The following PTPRD variants were observed in gnomAD, a reference collection of about 807,000 sequenced individuals.
The protein encoded by PTPRD is receptor-type tyrosine-protein phosphatase delta.
In PTPRD, 34 loss-of-function variants were observed where a neutral mutation model predicts 214.5. The observed-to-expected ratio is 0.16, with a 90% CI of 0.12 to 0.21. The LOEUF is 0.21. Among genes scored for constraint, PTPRD ranks in the 10% least tolerant of loss-of-function variants. The pLI, the probability that PTPRD is intolerant of heterozygous loss-of-function variation, is 1.00. For missense variants in PTPRD, 2,545 were observed against 2,398.7 expected (o/e 1.06, Z -1.27); for synonymous variants, 1,128 against 845.7 (o/e 1.33, Z -5.79).
chr9:8,560,066 G>T (rs892978973), intron 14 of PTPRD, among the ~76,000 whole-genome samples: 4 of 152,152 alleles, frequency 2.6e-5, no homozygotes, highest in Non-Finnish European at 5.9e-5. Flanking sequence ...CAAGGGAGAA[G>T]TAAATCCAAA....
intron 4 of PTPRD, among the ~76,000 whole-genome samples, chr9:9,962,789 C>T (rs1009839255): frequency 2.0e-5 from 3 of 151,998 alleles, no homozygotes; most frequent in Non-Finnish European, 4.4e-5. Flanking sequence ...ATACATCTGA[C>T]TTAGAATCTT....
chr9:10,568,692 A>G lies in PTPRD; in HGVS notation c.-600+43706T>C, dbSNP rs915622703. Among the ~76,000 whole-genome samples the G allele has an allele frequency of 3.3e-5, 5 of 152,178 alleles. 1 individual carries two copies. Among genetic ancestry groups the G allele is most frequent in the Admixed American group, 1.3e-4 (2 of 15,264 alleles). On this transcript the variant is annotated intron_variant, in intron 2 of 45. Transcript: ENST00000381196. Reference sequence around the variant, plus strand: ...GGGGAAAGGATTCCCTATTTAATAAATGGTGCTGGGAAAACTGGCTAGCCA... The same window carrying G: ...GGGGAAAGGATTCCCTATTTAATAAGTGGTGCTGGGAAAACTGGCTAGCCA...
Position 8,507,306 on chromosome 9 carries a change from C to T in PTPRD, c.1672G>A (p.Glu558Lys), listed in dbSNP as rs2097562943. ...ELVYKDGEHGEEQRITIEPGT... is the reference protein window; with the variant it reads ...ELVYKDGEHGKEQRITIEPGT... Reference sequence around the variant, plus strand: ...GAGAAGCACTATAGTCTTACCTCCTCTCCATGCTCCCCATCTTTGTAGACC... The same window carrying T: ...GAGAAGCACTATAGTCTTACCTCCTTTCCATGCTCCCCATCTTTGTAGACC... Residue 558 changes from glutamate to lysine, a missense_variant, in exon 22 of 46, where the codon GAG becomes AAG. Physicochemically the swap from Glu to Lys is moderately conservative, Grantham distance 56 (BLOSUM62 1). Coordinates refer to ENST00000381196, the MANE Select transcript of PTPRD (RefSeq NM_002839.4). 6.2e-7 allele frequency: 1 copy of T among 1,613,754 alleles called. No individual in the cohort carries two copies. Among genetic ancestry groups the T allele is most frequent in the African/African-American group, 1.3e-5 (1 of 74,916 alleles).
chr9:8,426,598 C>T (rs1049215168), intron 35 of PTPRD, among the ~76,000 whole-genome samples: 2 of 151,988 alleles, frequency 1.3e-5, no homozygotes, highest in Admixed American at 1.3e-4. Flanking sequence ...TGGTCAAGGG[C>T]CAATTAGTTA....
At chr9:9,679,814 A>T (rs979573138) in intron 7 of PTPRD, among the ~76,000 whole-genome samples, 3 of 151,946 alleles carry the variant, frequency 2.0e-5, no homozygotes, top group African/African-American at 7.2e-5. Context: ...TTAAAAACAA[A>T]TTGAAGGTGT....
At position 8,774,112 on chromosome 9, in the gene PTPRD, C is replaced by T. The variant is rs183128981; in HGVS notation, c.-103-40166G>A. 1.3e-3 allele frequency among the ~76,000 whole-genome samples: 194 copies of T among 152,260 alleles called. 2 individuals carry two copies. Among genetic ancestry groups the T allele is most frequent in the African/African-American group, 4.5e-3 (185 of 41,560 alleles). On this transcript the variant is annotated intron_variant, in intron 11 of 45. Coordinates refer to ENST00000381196, the MANE Select transcript of PTPRD (RefSeq NM_002839.4). ...CTATTTCCCCACCTTGGACAAGCTC[C>T]TCAGATATGTTTCCTCATTTGTAAA...
At chr9:9,007,726 G>C (rs1035344630) in intron 11 of PTPRD, among the ~76,000 whole-genome samples, 35 of 91,232 alleles carry the variant, frequency 3.8e-4, no homozygotes, top group African/African-American at 1.1e-3. Context: ...CTGTTACTTG[G>C]ATCCTTTTTT....
chr9:9,451,482 G>A (rs190199680), intron 8 of PTPRD, among the ~76,000 whole-genome samples: 22 of 151,712 alleles, frequency 1.5e-4, no homozygotes, highest in African/African-American at 5.1e-4. Flanking sequence ...AATCAATGGC[G>A]AATTTTCACT....
At chr9:9,160,293 G>A (rs1233353005) in intron 10 of PTPRD, among the ~76,000 whole-genome samples, 2 of 152,098 alleles carry the variant, frequency 1.3e-5, no homozygotes, top group African/African-American at 4.8e-5. Flanking sequence ...AACCATTAAT[G>A]TGATAAGCCA....
intron 9 of PTPRD, among the ~76,000 whole-genome samples, chr9:9,341,120 A>ATG (rs1191194877): frequency 3.7e-5 from 4 of 108,670 alleles, no homozygotes; most frequent in African/African-American, 2.1e-4. Flanking sequence ...GTAAATATTT[A>ATG]TGTGTATATA....
chr9:10,304,863 C>T (rs1385511994), intron 3 of PTPRD, among the ~76,000 whole-genome samples: 3 of 152,092 alleles, frequency 2.0e-5, no homozygotes, highest in Admixed American at 6.6e-5. Context: ...ATGCTATTTC[C>T]GTCAAGCTAC....
At position 8,459,369 on chromosome 9, in the gene PTPRD, C is replaced by T. The variant is rs1591093199; in HGVS notation, c.3875+1042G>A. On this transcript the variant is annotated intron_variant, in intron 33 of 45. Transcript: ENST00000381196. ...AGTAGCATTTCAAAATATAACACAC[C>T]ACAAGGAAAACGAGAACATGGATTA... 2.0e-5 allele frequency among the ~76,000 whole-genome samples: 3 copies of T among 151,950 alleles called. No individual in the cohort carries two copies. In the East Asian group the frequency reaches 5.8e-4, roughly 30 times the overall value.
In PTPRD at chr9:9,426,075, C is replaced by T. The variant is rs531970084; in HGVS notation, c.-236-28593G>A. Among the ~76,000 whole-genome samples, 12 of 152,180 alleles carry T rather than the reference C, an allele frequency of 7.9e-5. No individual in the cohort carries two copies. The East Asian group carries it at 2.3e-3, about 30-fold the overall frequency. On this transcript the variant is annotated intron_variant, in intron 8 of 45. Coordinates refer to ENST00000381196, the MANE Select transcript of PTPRD (RefSeq NM_002839.4). ...GGCAGTGGGTGCAGGACAGTGGATG[C>T]AGCCCACTGACTGTGAGCTGAAGCA...
At chr9:8,610,612 C>G (rs142860257) in intron 14 of PTPRD, among the ~76,000 whole-genome samples, 5 of 152,304 alleles carry the variant, frequency 3.3e-5, no homozygotes, top group African/African-American at 1.2e-4. Context: ...AGTGGGCATG[C>G]TAAGCACCAC....
chr9:8,981,858 G>C (rs546335689), intron 11 of PTPRD, among the ~76,000 whole-genome samples: 1 of 152,150 alleles, frequency 6.6e-6, no homozygotes, highest in South Asian at 2.1e-4. Context: ...CTAGAAGGAA[G>C]AAATAGAATG....
intron 10 of PTPRD, among the ~76,000 whole-genome samples, chr9:9,086,842 C>T (rs1297285733): frequency 6.6e-6 from 1 of 151,810 alleles, no homozygotes. Context: ...GCCAGTGAAA[C>T]AAAAAAGTTG....
At chr9:10,598,070 A>G (rs2077018013) in intron 2 of PTPRD, among the ~76,000 whole-genome samples, 1 of 151,838 alleles carries the variant, frequency 6.6e-6, no homozygotes, top group African/African-American at 2.4e-5. Flanking sequence ...TTCTTATTGG[A>G]CAATTGCACT....
intron 10 of PTPRD, among the ~76,000 whole-genome samples, chr9:9,173,372 G>A (rs1033131176): frequency 1.3e-5 from 2 of 152,240 alleles, no homozygotes; most frequent in Non-Finnish European, 1.5e-5. Flanking sequence ...CTATTCGGAT[G>A]GGTTGGTATC....
intron 36 of PTPRD, among the ~76,000 whole-genome samples, chr9:8,401,584 AAGATGT>A (rs2092403305): frequency 1.3e-5 from 2 of 152,184 alleles, no homozygotes; most frequent in Non-Finnish European, 2.9e-5. Context: ...GTGATTTGGA[AAGATGT>A]CACCAAGTGT....
Sources: allele counts gnomAD v4.1 joint callset (sites outside exome capture counted in the v4.1 genomes callset), GRCh38; gene constraint gnomAD v4.1.1; transcripts MANE v1.5; gene names NCBI Gene and HGNC (gene_info 2026-07-23, HGNC 2026-07-21).